The following GPC5 variants were observed in gnomAD, a reference collection of about 807,000 sequenced individuals.
GPC5 encodes the protein glypican 5, also known as glypican-5.
A neutral mutation model predicts 53.9 loss-of-function variants in GPC5; 47 were observed. The observed-to-expected ratio is 0.87, with a 90% CI of 0.69 to 1.11. The LOEUF (loss-of-function observed/expected upper bound fraction) is 1.11, where lower values mean the gene tolerates loss of function less well. Ranked by LOEUF, GPC5 falls within the 50% of genes most tolerant of loss-of-function variation. The pLI is 0.00. For missense variants in GPC5, 748 were observed against 713.1 expected (o/e 1.05, Z -0.56); for synonymous variants, 286 against 263.3 (o/e 1.09, Z -0.84).
chr13:92,217,311 A>G (rs991769440), intron 7 of GPC5, among the ~76,000 whole-genome samples: 2 of 152,194 alleles, frequency 1.3e-5, no homozygotes, highest in African/African-American at 4.8e-5. Flanking sequence ...TATCAGCTGT[A>G]CACTTCCTTG....
intron 7 of GPC5, among the ~76,000 whole-genome samples, chr13:92,653,245 A>C (rs901851175): frequency 1.3e-5 from 2 of 152,214 alleles, no homozygotes; most frequent in Non-Finnish European, 2.9e-5. Context: ...AATTTGGTCC[A>C]TACCATCTGA....
chr13:91,685,811 A>T (rs1451792246), intron 2 of GPC5, among the ~76,000 whole-genome samples: 2 of 152,134 alleles, frequency 1.3e-5, no homozygotes, highest in Non-Finnish European at 2.9e-5. Context: ...AAAATATAGA[A>T]CATCTCATTC....
chr13:92,463,994 TTA>T (rs1469201843), intron 7 of GPC5, among the ~76,000 whole-genome samples: 2 of 152,188 alleles, frequency 1.3e-5, no homozygotes, highest in Non-Finnish European at 1.5e-5. Context: ...AGAATAGCTA[TTA>T]TATGTTAGGT....
At chr13:92,067,883 G>A (rs1430026147) in intron 6 of GPC5, among the ~76,000 whole-genome samples, 1 of 151,856 alleles carries the variant, frequency 6.6e-6, no homozygotes, top group Non-Finnish European at 1.5e-5. Flanking sequence ...AATATTATCA[G>A]TAGTTAATTT....
chr13:91,563,568 G>A (rs1440715076), intron 2 of GPC5, among the ~76,000 whole-genome samples: 4 of 152,142 alleles, frequency 2.6e-5, no homozygotes, highest in African/African-American at 7.2e-5. Flanking sequence ...AGTATACTAT[G>A]TTATAAATAG....
chr13:92,371,750 C>T (rs1362208439), intron 7 of GPC5, among the ~76,000 whole-genome samples: 1 of 152,064 alleles, frequency 6.6e-6, no homozygotes, highest in African/African-American at 2.4e-5. Context: ...GGAAAATGCC[C>T]CCATGATTCA....
chr13:91,933,250 A>T (rs1035527478), intron 6 of GPC5, among the ~76,000 whole-genome samples: 1 of 151,882 alleles, frequency 6.6e-6, no homozygotes, highest in African/African-American at 2.4e-5. Flanking sequence ...AACCTACTCA[A>T]CATGTGTATC....
chr13:92,590,477 G>A (rs969409569), intron 7 of GPC5, among the ~76,000 whole-genome samples: 1 of 152,206 alleles, frequency 6.6e-6, no homozygotes, highest in Non-Finnish European at 1.5e-5. Flanking sequence ...AAACCTTCAA[G>A]GGGATGTCAT....
chr13:91,807,697 A>G (rs1226145866), intron 5 of GPC5, among the ~76,000 whole-genome samples: 1 of 152,152 alleles, frequency 6.6e-6, no homozygotes, highest in Non-Finnish European at 1.5e-5. Flanking sequence ...CATAATTATA[A>G]AAGCACTCTT....
At chr13:92,084,807 G>T (rs768924683) in intron 6 of GPC5, among the ~76,000 whole-genome samples, 2 of 152,110 alleles carry the variant, frequency 1.3e-5, no homozygotes, top group Non-Finnish European at 2.9e-5. Flanking sequence ...CCTTGTCATT[G>T]GTGTGGTACC....
At chr13:92,801,396 G>A (rs1022570869) in intron 7 of GPC5, among the ~76,000 whole-genome samples, 3 of 151,716 alleles carry the variant, frequency 2.0e-5, no homozygotes, top group Admixed American at 6.6e-5. Context: ...GGCGATGCTG[G>A]TGTAAACAAG....
intron 6 of GPC5, among the ~76,000 whole-genome samples, chr13:92,062,185 A>G (rs577184430): frequency 1.3e-5 from 2 of 152,042 alleles, no homozygotes; most frequent in South Asian, 2.1e-4. Context: ...TCATCATTCC[A>G]TATGTCATTT....
chr13:92,668,338 T>C (rs1000012968), intron 7 of GPC5, among the ~76,000 whole-genome samples: 4 of 152,114 alleles, frequency 2.6e-5, no homozygotes, highest in African/African-American at 4.8e-5. Context: ...ATGGGAAGAC[T>C]AAAAGATTTC....
chr13:92,007,883 A>T (rs2138767327), intron 6 of GPC5, among the ~76,000 whole-genome samples: 1 of 152,162 alleles, frequency 6.6e-6, no homozygotes, highest in Admixed American at 6.5e-5. Context: ...CCTTTATGCC[A>T]TGTACACCTT....
intron 6 of GPC5, among the ~76,000 whole-genome samples, chr13:91,969,286 G>A (rs933824606): frequency 6.6e-6 from 1 of 152,032 alleles, no homozygotes; most frequent in Non-Finnish European, 1.5e-5. Flanking sequence ...TATACTTTAA[G>A]TTATTTCTTT....
chr13:91,800,307 A>G (rs1358367506), intron 5 of GPC5, among the ~76,000 whole-genome samples: 1 of 152,142 alleles, frequency 6.6e-6, no homozygotes. Context: ...GATTAATGAG[A>G]TATGAGATTA....
chr13:92,658,641 G>T (rs1410434739), intron 7 of GPC5, among the ~76,000 whole-genome samples: 2 of 152,148 alleles, frequency 1.3e-5, no homozygotes, highest in Non-Finnish European at 1.5e-5. Flanking sequence ...ATTTTAAACT[G>T]TGGAACACAT....
intron 7 of GPC5, among the ~76,000 whole-genome samples, chr13:92,754,238 A>G (rs2139330230): frequency 6.6e-6 from 1 of 152,298 alleles, no homozygotes; most frequent in South Asian, 2.1e-4. Flanking sequence ...TAAGCTTCAT[A>G]AGTGAAGGAG....
intron 4 of GPC5, among the ~76,000 whole-genome samples, chr13:91,750,165 A>G (rs572421465): frequency 3.9e-5 from 6 of 152,250 alleles, no homozygotes; most frequent in Non-Finnish European, 7.3e-5. Flanking sequence ...ATGGAGGCAC[A>G]GGGAACAAAT....
Sources: gnomAD v4.1 joint callset for allele counts (sites outside exome capture counted in the v4.1 genomes callset) on GRCh38, gnomAD v4.1.1 for gene constraint, MANE v1.5 for transcripts, NCBI Gene and HGNC (gene_info 2026-07-23, HGNC 2026-07-21) for gene names.